Variants in LHFPL2 observed in about 807,000 individuals in gnomAD.
LHFPL2 encodes LHFPL tetraspan subfamily member 2 protein.
A neutral mutation model predicts 17.5 loss-of-function variants in LHFPL2; 7 were observed. The observed-to-expected ratio is 0.40, with a 90% CI of 0.23 to 0.75. The LOEUF is 0.75. Among genes scored for constraint, LHFPL2 ranks in the 30% least tolerant of loss-of-function variants. The pLI, the probability that LHFPL2 is intolerant of heterozygous loss-of-function variation, is 0.37. For synonymous variants in LHFPL2, 134 were observed against 116.2 expected (o/e 1.15, Z -0.99); for missense variants, 241 against 294.8 (o/e 0.82, Z 1.34).
chr5:78,530,181 A>C (rs900948480), intron 3 of LHFPL2, among the ~76,000 whole-genome samples: 2 of 152,320 alleles, frequency 1.3e-5, no homozygotes, highest in South Asian at 4.1e-4. Context: ...AATTTTTTTA[A>C]ATTTTTAATT....
At chr5:78,637,487 A>C (rs2112522602) in intron 1 of LHFPL2, among the ~76,000 whole-genome samples, 1 of 152,326 alleles carries the variant, frequency 6.6e-6, no homozygotes. Flanking sequence ...ATCCCTGCAC[A>C]GTGGCTCCCA....
chr5:78,646,530 C>T (rs942722188), intron 1 of LHFPL2, among the ~76,000 whole-genome samples: 1 of 152,186 alleles, frequency 6.6e-6, no homozygotes, highest in Non-Finnish European at 1.5e-5. Context: ...AATTAAATAA[C>T]ATGCCCAAGG....
chr5:78,614,521 GC>G (rs1744531134), intron 2 of LHFPL2, among the ~76,000 whole-genome samples: 1 of 152,160 alleles, frequency 6.6e-6, no homozygotes, highest in African/African-American at 2.4e-5. Flanking sequence ...CAGTTATCTG[GC>G]ACATAAACCT....
intron 1 of LHFPL2, among the ~76,000 whole-genome samples, chr5:78,634,981 G>A (rs1745381677): frequency 6.6e-6 from 1 of 152,226 alleles, no homozygotes. Context: ...AGGGACACCA[G>A]GGGAAGAAGA....
Position 78,603,086 on chromosome 5 carries a change from G to T in LHFPL2, c.-245+29178C>A, listed in dbSNP as rs182858030. Among the ~76,000 whole-genome samples the T allele has an allele frequency of 7.9e-5, 12 of 152,164 alleles. 1 individual carries two copies. The highest frequency in any genetic ancestry group is 1.3e-4 in the Non-Finnish European group (9 of 68,010). On this transcript the variant is annotated intron_variant, in intron 2 of 4. Coordinates refer to ENST00000380345, the MANE Select transcript of LHFPL2 (RefSeq NM_005779.3). ...TTGTATTTTTTTTAGCTGAAACGGG[G>T]TTTCACCATGTTGGCCAGGATGGTC...
chr5:78,626,100 CAG>C (rs1745022954), intron 2 of LHFPL2: 1 of 152,228 alleles, frequency 6.6e-6, no homozygotes, highest in Admixed American at 6.5e-5. Flanking sequence ...TGCCCTAGTC[CAG>C]AAGGCCCACT....
chr5:78,642,337 G>A (rs74510210), intron 1 of LHFPL2, among the ~76,000 whole-genome samples: 2,103 of 152,244 alleles, frequency 0.014, 45 homozygotes, highest in African/African-American at 0.048. Flanking sequence ...TATCAATTTT[G>A]TCAGTTACAC....
At chr5:78,531,419 C>CA (rs11445485) in intron 3 of LHFPL2, among the ~76,000 whole-genome samples, 23,262 of 115,968 alleles carry the variant, frequency 0.2, 2,328 homozygotes, top group Admixed American at 0.26. Flanking sequence ...AACTCCATCT[C>CA]AAAAAAAAAA....
intron 3 of LHFPL2, among the ~76,000 whole-genome samples, chr5:78,544,465 TA>T (rs568131064): frequency 5.6e-4 from 85 of 151,730 alleles, no homozygotes; most frequent in Middle Eastern, 3.4e-3. Context: ...GGGGTAGACA[TA>T]AAAAAAAATC....
At chr5:78,562,176 G>A (rs1208920298) in intron 3 of LHFPL2, among the ~76,000 whole-genome samples, 1 of 152,066 alleles carries the variant, frequency 6.6e-6, no homozygotes, top group Non-Finnish European at 1.5e-5. Context: ...TCTTTTTGTT[G>A]GTCAATCTTC....
intron 3 of LHFPL2, among the ~76,000 whole-genome samples, chr5:78,543,078 A>G (rs1747615083): frequency 6.6e-6 from 1 of 152,220 alleles, no homozygotes; most frequent in Non-Finnish European, 1.5e-5. Context: ...AGCATGGTGC[A>G]GGCCAGGCAG....
chr5:78,520,887 C>A (rs1755438525), intron 3 of LHFPL2, among the ~76,000 whole-genome samples: 1 of 152,230 alleles, frequency 6.6e-6, no homozygotes, highest in Non-Finnish European at 1.5e-5. Flanking sequence ...TTACTCAGTT[C>A]TGAAAAATCA....
chr5:78,509,732 C>T, intron 4 of LHFPL2, 52 bp downstream of exon 4: 3 of 1,552,482 alleles, frequency 1.9e-6, no homozygotes, highest in Admixed American at 3.5e-5. Flanking sequence ...TGCGCTGCAC[C>T]GGCAGCTCTC....
chr5:78,575,698 T>C (rs1580821254), intron 2 of LHFPL2, among the ~76,000 whole-genome samples: 1 of 152,222 alleles, frequency 6.6e-6, no homozygotes, highest in Non-Finnish European at 1.5e-5. Context: ...CAAAATGTTA[T>C]AGCTTAAGAG....
chr5:78,534,122 G>T (rs1755866910), intron 3 of LHFPL2, among the ~76,000 whole-genome samples: 1 of 152,220 alleles, frequency 6.6e-6, no homozygotes, highest in South Asian at 2.1e-4. Flanking sequence ...CCCCAGGAGG[G>T]TACATGTCGG....
At chr5:78,511,899 C>T (rs1314559829) in intron 3 of LHFPL2, among the ~76,000 whole-genome samples, 1 of 152,192 alleles carries the variant, frequency 6.6e-6, no homozygotes, top group Non-Finnish European at 1.5e-5. Flanking sequence ...GTGCCAAGCA[C>T]TGGGTAAGGG....
chr5:78,509,887 A>G lies in LHFPL2; in HGVS notation c.327T>C (p.Phe109=). The change falls in exon 4 of 5, where the codon TTT becomes TTC. Residue 109 remains phenylalanine, a synonymous_variant. Coordinates refer to ENST00000380345, the MANE Select transcript of LHFPL2 (RefSeq NM_005779.3). ...ATAIFLAVGI[F]ILCMVALVSV... is the part of the protein sequence containing the mutation. ...ACACCAAGGCCACCATGCAGAGAAT[A>G]AAGATTCCCACAGCCAGGAAAATAG... 1 of 1,613,720 alleles carries G rather than the reference A, an allele frequency of 6.2e-7. No homozygotes were observed. Among genetic ancestry groups the G allele is most frequent in the Non-Finnish European group, 8.5e-7 (1 of 1,180,040 alleles).
chr5:78,634,339 A>G (rs1745355797), intron 1 of LHFPL2, among the ~76,000 whole-genome samples: 1 of 152,216 alleles, frequency 6.6e-6, no homozygotes, highest in South Asian at 2.1e-4. Context: ...GCAGGAACTC[A>G]CAGGAAGTCA....
At chr5:78,609,302 T>G (rs1471539700) in intron 2 of LHFPL2, among the ~76,000 whole-genome samples, 1 of 151,546 alleles carries the variant, frequency 6.6e-6, no homozygotes, top group Non-Finnish European at 1.5e-5. Flanking sequence ...AATACAAAAA[T>G]TAGCTGGGTG....
Sources: gnomAD v4.1 joint callset for allele counts (sites outside exome capture counted in the v4.1 genomes callset) on GRCh38, gnomAD v4.1.1 for gene constraint, MANE v1.5 for transcripts, NCBI Gene and HGNC (gene_info 2026-07-23, HGNC 2026-07-21) for gene names.